Variants in MCC observed in about 807,000 individuals in gnomAD.
MCC encodes the protein colorectal mutant cancer protein.
A neutral mutation model predicts 116.2 loss-of-function variants in MCC; 90 were observed. The observed-to-expected ratio is 0.77, with a 90% confidence interval of 0.65 to 0.92. MCC has a LOEUF of 0.92. Ranked by LOEUF, MCC falls within the 40% of genes least tolerant of loss-of-function variation. The pLI, the probability that MCC is intolerant of heterozygous loss-of-function variation, is 0.00. For synonymous variants in MCC, 578 were observed against 510.5 expected, an observed-to-expected ratio of 1.13 and a Z score of -1.78; for missense variants, 1,516 against 1,312.2, an observed-to-expected ratio of 1.16 and a Z score of -2.40.
intron 17 of MCC, among the ~76,000 whole-genome samples, chr5:113,037,345 G>A (rs1221406488): frequency 6.6e-6 from 1 of 152,162 alleles, no homozygotes; most frequent in Non-Finnish European, 1.5e-5. Flanking sequence ...AGTCTCGCTG[G>A]CTTTTTCGAA....
At chr5:113,170,955 G>A (rs1761041029) in intron 3 of MCC, among the ~76,000 whole-genome samples, 1 of 152,124 alleles carries the variant, frequency 6.6e-6, no homozygotes, top group South Asian at 2.1e-4. Flanking sequence ...CCAGAACTGA[G>A]ACTCTGTGGA....
chr5:113,125,294 A>G (rs1357632365), intron 5 of MCC, among the ~76,000 whole-genome samples: 2 of 152,152 alleles, frequency 1.3e-5, no homozygotes, highest in East Asian at 3.8e-4. Flanking sequence ...AGAAGAAGAG[A>G]AATGCATTCC....
intron 3 of MCC, among the ~76,000 whole-genome samples, chr5:113,160,997 C>T (rs1760452171): frequency 6.6e-6 from 1 of 151,988 alleles, no homozygotes; most frequent in Non-Finnish European, 1.5e-5. Flanking sequence ...AAAATCTAAA[C>T]AGAAGAATAT....
At chr5:113,139,033 A>G (rs1250382868) in intron 5 of MCC, among the ~76,000 whole-genome samples, 1 of 152,170 alleles carries the variant, frequency 6.6e-6, no homozygotes, top group Non-Finnish European at 1.5e-5. Flanking sequence ...AAACTTTAGT[A>G]GGCTGCCCAT....
chr5:113,293,481 G>C (rs369847003), intron 3 of MCC, among the ~76,000 whole-genome samples: 1 of 152,132 alleles, frequency 6.6e-6, no homozygotes, highest in African/African-American at 2.4e-5. Flanking sequence ...TAGACACTAA[G>C]CACACAGACT....
At chr5:113,327,273 G>A (rs1458686577) in intron 3 of MCC, among the ~76,000 whole-genome samples, 2 of 151,986 alleles carry the variant, frequency 1.3e-5, no homozygotes, top group Non-Finnish European at 2.9e-5. Context: ...TCAGCTGGGC[G>A]CAGTGGCTCA....
At chr5:113,124,687 T>G (rs1043465687) in intron 5 of MCC, among the ~76,000 whole-genome samples, 2 of 152,212 alleles carry the variant, frequency 1.3e-5, no homozygotes, top group African/African-American at 4.8e-5. Context: ...TGCAGAAACA[T>G]TCCCTACTGA....
chr5:113,123,574 G>T (rs1463182680), intron 5 of MCC, among the ~76,000 whole-genome samples: 1 of 152,124 alleles, frequency 6.6e-6, no homozygotes, highest in East Asian at 1.9e-4. Flanking sequence ...CCCTTCAGAG[G>T]TCCCTCAACC....
At chr5:113,101,676 C>T in intron 8 of MCC, 63 bp downstream of exon 8, 2 of 1,563,758 alleles carry the variant, frequency 1.3e-6, no homozygotes, top group Non-Finnish European at 1.8e-6. Context: ...TGGTGCTATA[C>T]ACCAGCCTCT....
chr5:113,232,502 T>C (rs925158252), intron 3 of MCC, among the ~76,000 whole-genome samples: 2 of 152,202 alleles, frequency 1.3e-5, no homozygotes, highest in Admixed American at 6.5e-5. Flanking sequence ...TGCCTTCCTA[T>C]TCTGAATTCG....
intron 3 of MCC, among the ~76,000 whole-genome samples, chr5:113,227,172 C>A (rs1330547759): frequency 3.3e-5 from 5 of 152,136 alleles, no homozygotes; most frequent in African/African-American, 4.8e-5. Context: ...AAATGGTTAA[C>A]AAAAATTGCC....
intron 5 of MCC, among the ~76,000 whole-genome samples, chr5:113,127,090 C>G (rs138174666): frequency 6.6e-6 from 1 of 152,136 alleles, no homozygotes; most frequent in South Asian, 2.1e-4. Context: ...TATCATTTAG[C>G]TCCCACACAC....
At chr5:113,466,146 G>A (rs1771897947) in intron 1 of MCC, among the ~76,000 whole-genome samples, 1 of 150,752 alleles carries the variant, frequency 6.6e-6, no homozygotes, top group Non-Finnish European at 1.5e-5. Context: ...AGATCTAGGA[G>A]GGTAGGTGAA....
chr5:113,061,820 C>T (rs2150228333), intron 14 of MCC, among the ~76,000 whole-genome samples: 1 of 152,304 alleles, frequency 6.6e-6, no homozygotes, highest in Admixed American at 6.5e-5. Flanking sequence ...ATTTGCTGGG[C>T]CACATAAAGC....
intron 3 of MCC, chr5:113,269,119 G>C (rs567107160): frequency 1.0e-6 from 1 of 962,012 alleles, no homozygotes; most frequent in South Asian, 4.8e-5. Flanking sequence ...ATAAAAGTCA[G>C]ACCAGCCTTG....
intron 3 of MCC, among the ~76,000 whole-genome samples, chr5:113,239,455 C>T (rs769119949): frequency 1.3e-5 from 2 of 152,074 alleles, no homozygotes; most frequent in African/African-American, 2.4e-5. Flanking sequence ...AGTTTAGGCC[C>T]CTCTTAACCT....
At chr5:113,237,884 C>G (rs1764190854) in intron 3 of MCC, among the ~76,000 whole-genome samples, 1 of 152,152 alleles carries the variant, frequency 6.6e-6, no homozygotes, top group African/African-American at 2.4e-5. Context: ...CCTGAAGTAT[C>G]AGAGTTGTAT....
chr5:113,040,743 ACCTCTG>A (rs1751650437), intron 17 of MCC, among the ~76,000 whole-genome samples: 2 of 151,736 alleles, frequency 1.3e-5, no homozygotes, highest in Non-Finnish European at 2.9e-5. Flanking sequence ...TTTTTCCTTT[ACCTCTG>A]TAAGTTTGTT....
At chr5:113,405,770 C>A (rs26967) in intron 1 of MCC, among the ~76,000 whole-genome samples, 1 of 151,396 alleles carries the variant, frequency 6.6e-6, no homozygotes, top group South Asian at 2.1e-4. Flanking sequence ...TGGCACCACT[C>A]CACTCCAGCC....
Sources: allele counts gnomAD v4.1 joint callset (sites outside exome capture counted in the v4.1 genomes callset), GRCh38; gene constraint gnomAD v4.1.1; transcripts MANE v1.5; gene names NCBI Gene and HGNC (gene_info 2026-07-23, HGNC 2026-07-21).